The following AKAP9 variants were observed in gnomAD, a reference collection of about 807,000 sequenced individuals.
AKAP9 encodes A-kinase anchor protein 9.
In AKAP9, 311 loss-of-function variants were observed where a neutral mutation model predicts 488.5. The observed-to-expected ratio is 0.64, with a 90% CI of 0.58 to 0.70. The LOEUF is 0.70. Among genes scored for constraint, AKAP9 ranks in the 30% least tolerant of loss-of-function variants. AKAP9 has a pLI of 0.00. For synonymous variants in AKAP9, 1,462 were observed against 1,483.5 expected (o/e 0.99, Z 0.33); for missense variants, 4,215 against 4,374.5 (o/e 0.96, Z 1.03).
Position 92,086,343 on chromosome 7 carries a change from C to T in AKAP9, c.9140C>T (p.Thr3047Met), listed in dbSNP as rs756203652. ...AGTGTTTTACTAGCAGCATTTCGGA[C>T]GGAGCTGACAGCTCTAGGTACTACA... ...ERSVLLAAFR[T>M]ELTALGTTDA... The change falls in exon 37 of 50, where the codon ACG becomes ATG. Residue 3047 changes from threonine to methionine, a missense_variant. Around this residue, in one of 5 missense-constraint regions of AKAP9, gnomAD observed 1,476 missense variants for 1,477.4 expected, o/e 1.00. Coordinates refer to ENST00000356239, the MANE Select transcript of AKAP9 (RefSeq NM_005751.5). 19 of 1,613,766 alleles carry T rather than the reference C, an allele frequency of 1.2e-5. No homozygotes were observed. The highest frequency in any genetic ancestry group is 5.5e-5 in the South Asian group (5 of 91,060).
At chr7:92,103,381 C>G (rs1168844974) in intron 46 of AKAP9, among the ~76,000 whole-genome samples, 1 of 97,166 alleles carries the variant, frequency 1.0e-5, no homozygotes, top group African/African-American at 4.2e-5. Context: ...CAGAGTGAGA[C>G]TCTGTCAAAA....
intron 1 of AKAP9, among the ~76,000 whole-genome samples, chr7:91,947,300 T>C (rs1791571346): frequency 6.6e-6 from 1 of 152,100 alleles, no homozygotes; most frequent in Admixed American, 6.6e-5. Flanking sequence ...CAACCAACAT[T>C]TTTGAATGCC....
At chr7:91,955,751 A>C (rs1792905508) in intron 1 of AKAP9, among the ~76,000 whole-genome samples, 1 of 152,132 alleles carries the variant, frequency 6.6e-6, no homozygotes, top group Admixed American at 6.5e-5. Flanking sequence ...CTCCTGCCTC[A>C]GCCTCCCAAG....
intron 28 of AKAP9, among the ~76,000 whole-genome samples, chr7:92,072,115 A>G (rs1162487360): frequency 6.6e-6 from 1 of 152,202 alleles, no homozygotes; most frequent in Admixed American, 6.5e-5. Flanking sequence ...AACTGGACCC[A>G]AAGCAATGAT....
intron 8 of AKAP9, 55 bp from the exon 9 acceptor site, chr7:92,012,374 A>G (rs1800868855): frequency 6.7e-7 from 1 of 1,496,116 alleles, no homozygotes; most frequent in Admixed American, 1.8e-5. Context: ...AAGAAGTTAA[A>G]TTATTTGATT....
chr7:92,044,498 T>C (rs963585403), intron 20 of AKAP9, among the ~76,000 whole-genome samples: 5 of 152,224 alleles, frequency 3.3e-5, no homozygotes, highest in Admixed American at 3.3e-4. Flanking sequence ...TACCATTAAC[T>C]TGTACAAATA....
At position 92,002,035 on chromosome 7, in the gene AKAP9, G is replaced by A; in HGVS notation, c.2118G>A (p.Gln706=). 6.2e-7 allele frequency: 1 copy of A among 1,606,770 alleles called. No homozygotes were observed. Among genetic ancestry groups the A allele is most frequent in the African/African-American group, 1.3e-5 (1 of 74,614 alleles). ...AAATTTCAAAGCTAAAAGATTTACA[G>A]CAGTCTCTTGTAAATTCAAAGTCAG... ...ILEISKLKDL[Q]QSLVNSKSEE... is the part of the protein sequence containing the mutation. Residue 706 remains glutamine, a synonymous_variant, in exon 8 of 50, where the codon CAG becomes CAA. Transcript: ENST00000356239.
chr7:91,981,328 A>C (rs1406890717), intron 3 of AKAP9, among the ~76,000 whole-genome samples: 1 of 152,206 alleles, frequency 6.6e-6, no homozygotes, highest in Admixed American at 6.5e-5. Context: ...ATTCTGAAAA[A>C]ATAAAAAATA....
Position 92,097,324 on chromosome 7 carries a change from AAGT to A in AKAP9, c.10368_10370del (p.Ser3456del). 10 of 1,613,710 alleles carry A rather than the reference AAGT, an allele frequency of 6.2e-6. No individual in the cohort carries two copies. The highest frequency in any genetic ancestry group is 6.8e-6 in the Non-Finnish European group (8 of 1,179,928). On this transcript the variant is annotated inframe_deletion, in exon 41 of 50. Coordinates refer to ENST00000356239, the MANE Select transcript of AKAP9 (RefSeq NM_005751.5). ...AACTAGAACGAGAAGAAAAACGAGA[AAGT>A]AGAAGAATTCTGTATCAGAACCTTA...
chr7:92,014,182 A>C, intron 9 of AKAP9, 67 bp from the exon 10 acceptor site: 1 of 1,107,856 alleles, frequency 9.0e-7, no homozygotes. Flanking sequence ...TTGAAACATA[A>C]GTTAAATATG....
intron 5 of AKAP9, among the ~76,000 whole-genome samples, chr7:91,994,393 G>C (rs1224085062): frequency 6.6e-6 from 1 of 152,180 alleles, no homozygotes; most frequent in Non-Finnish European, 1.5e-5. Context: ...CCTTCTATAA[G>C]TAAATATATG....
intron 3 of AKAP9, among the ~76,000 whole-genome samples, chr7:91,989,591 G>C (rs1427669303): frequency 2.0e-5 from 3 of 151,502 alleles, no homozygotes; most frequent in African/African-American, 4.9e-5. Context: ...ATAGTAATAG[G>C]GTATTCACTC....
rs776901053 is a variant in AKAP9, at chr7:92,080,168, T to C, written c.8019+16T>C. ...AGTTCTCAAGGTTAGTTTTGTATTT[T>C]ATTAGTTTCATTTAAATACCCCAAG... On this transcript the variant is annotated intron_variant, in intron 31 of 49. Coordinates refer to ENST00000356239, the MANE Select transcript of AKAP9 (RefSeq NM_005751.5). The C allele has an allele frequency of 1.9e-6, 3 of 1,541,872 alleles. No individual in the cohort carries two copies. Among genetic ancestry groups the C allele is most frequent in the South Asian group, 2.3e-5 (2 of 85,174 alleles).
intron 1 of AKAP9, among the ~76,000 whole-genome samples, chr7:91,952,357 C>T (rs1256160689): frequency 1.3e-5 from 2 of 152,176 alleles, no homozygotes; most frequent in Middle Eastern, 3.2e-3. Context: ...TGGACTCTGC[C>T]AAGCATAAGC....
At chr7:92,050,202 C>T (rs1485199268) in intron 21 of AKAP9, among the ~76,000 whole-genome samples, 4 of 151,344 alleles carry the variant, frequency 2.6e-5, no homozygotes, top group African/African-American at 9.8e-5. Context: ...GTAGCTGGAA[C>T]TACAGGCACG....
chr7:92,079,480 T>C lies in AKAP9; in HGVS notation c.7347T>C (p.Asn2449=), dbSNP rs1444942709. The C allele has an allele frequency of 1.2e-6, 2 of 1,613,986 alleles. No individual in the cohort carries two copies. Residue 2449 remains asparagine (N), a synonymous_variant, in exon 31 of 50, where the codon AAT becomes AAC. Transcript: ENST00000356239. ...AAAAGATTCAAAGCATACCAGAGAA[T>C]AGTGTTAACGTGGCTATAGATCATC... ...SVEKIQSIPE[N]SVNVAIDHLS...
intron 21 of AKAP9, among the ~76,000 whole-genome samples, chr7:92,052,010 T>G (rs145273654): frequency 1.2e-3 from 189 of 152,280 alleles, no homozygotes; most frequent in African/African-American, 4.4e-3. Context: ...AAGAATAGTG[T>G]GGGTAATGTG....
intron 10 of AKAP9, among the ~76,000 whole-genome samples, chr7:92,015,616 G>T (rs934946903): frequency 6.6e-6 from 1 of 151,898 alleles, no homozygotes; most frequent in Non-Finnish European, 1.5e-5. Context: ...CACCTTCCTC[G>T]ACCTCCCAAA....
chr7:91,941,273 T>C, intron 1 of AKAP9, 126 bp downstream of exon 1: 1 of 871,800 alleles, frequency 1.1e-6, no homozygotes, highest in Non-Finnish European at 1.8e-6. Flanking sequence ...TGCTGCAGGG[T>C]CTTAGGGTCT....
Sources: gnomAD v4.1 joint callset for allele counts (sites outside exome capture counted in the v4.1 genomes callset) on GRCh38, gnomAD v4.1.1 for gene constraint, gnomAD v4.1.1 regional missense constraint, MANE v1.5 for transcripts, NCBI Gene and HGNC (gene_info 2026-07-23, HGNC 2026-07-21) for gene names.